Variants in IL20 observed in about 807,000 individuals in gnomAD.
IL20 encodes the protein interleukin-20.
IL20 carries 22 observed loss-of-function variants against 19.2 expected under a neutral mutation model. That is an observed-to-expected ratio of 1.15 (90% CI 0.82 to 1.64). IL20 has a LOEUF of 1.64. Among genes scored for constraint, IL20 ranks in the 40% most tolerant of loss-of-function variants. The probability of loss-of-function intolerance (pLI) is 0.00; values close to 1 mark genes in which losing one functional copy is unlikely to be tolerated. For synonymous variants in IL20, 70 were observed against 76.2 expected (o/e 0.92, Z 0.43); for missense variants, 215 against 212.8 (o/e 1.01, Z -0.06).
intron 2 of IL20, 69 bp downstream of exon 2, chr1:206,866,080 G>A: frequency 7.0e-7 from 1 of 1,432,152 alleles, no homozygotes; most frequent in South Asian, 1.2e-5. Flanking sequence ...TCTCTTTCCT[G>A]GCAGTACTGG....
upstream of IL20, among the ~76,000 whole-genome samples, chr1:206,864,124 C>T (rs1376580048): frequency 6.6e-6 from 1 of 152,132 alleles, no homozygotes; most frequent in African/African-American, 2.4e-5. Context: ...GCCCCCCAAC[C>T]TCAGTGCTGG....
Position 206,865,966 on chromosome 1 carries a change from C to T in IL20, c.114C>T (p.Asn38=). Residue 38 remains asparagine (N), a synonymous_variant, in exon 2 of 6, where the codon AAC becomes AAT. Coordinates refer to ENST00000367098, the MANE Select transcript of IL20 (RefSeq NM_018724.4). This position sits in a 1 kb window ranked among gnomAD's most constrained non-coding sequence, Gnocchi z 4.1. ...TGGGAAGCTGTGTGATCGCCACAAA[C>T]CTTCAGGAAATACGAAATGGATTTT... ...LNLGSCVIAT[N]LQEIRNGFSE... 6.2e-7 allele frequency: 1 copy of T among 1,614,176 alleles called. No homozygotes were observed. Among genetic ancestry groups the T allele is most frequent in the East Asian group, 2.2e-5 (1 of 44,880 alleles).
upstream of IL20, among the ~76,000 whole-genome samples, chr1:206,864,739 GA>G (rs1677499514): frequency 6.6e-6 from 1 of 151,990 alleles, no homozygotes; most frequent in Admixed American, 6.5e-5. Flanking sequence ...TGGCACTGTC[GA>G]ATTTTGTCTT....
At chr1:206,868,416 TA>T in intron 5 of IL20, 70 bp from the exon 6 acceptor site, 1 of 1,074,160 alleles carries the variant, frequency 9.3e-7, no homozygotes, top group Non-Finnish European at 1.3e-6. Context: ...GACCTATCCA[TA>T]AAAGAGATAG....
intron 2 of IL20, 120 bp from the exon 3 acceptor site, chr1:206,866,179 G>A: frequency 3.3e-6 from 4 of 1,208,948 alleles, no homozygotes; most frequent in Non-Finnish European, 4.8e-6. Context: ...TATTTAAAAT[G>A]TTTTGGGAAA....
intron 4 of IL20, 79 bp from the exon 5 acceptor site, chr1:206,867,305 A>T: frequency 8.3e-7 from 1 of 1,207,340 alleles, no homozygotes; most frequent in Non-Finnish European, 1.2e-6. Context: ...GTGAAAGAGT[A>T]GAGTTTCTGC....
At chr1:206,867,277 G>T in intron 4 of IL20, 107 bp from the exon 5 acceptor site, 1 of 878,482 alleles carries the variant, frequency 1.1e-6, no homozygotes, top group Non-Finnish European at 1.8e-6. Context: ...ATAGGAATAA[G>T]CATCCTCAGG....
At position 206,868,796 on chromosome 1, in the gene IL20, G is replaced by C. The variant is rs1677634795; in HGVS notation, c.*232G>C. 1 of 278,658 alleles carries C rather than the reference G, an allele frequency of 3.6e-6. No homozygotes were observed. Among genetic ancestry groups the C allele is most frequent in the Non-Finnish European group, 6.6e-6 (1 of 151,796 alleles). The allele number at this position is 278,658 out of a possible 1,614,324, so 17.3% of individuals were successfully genotyped here. A position where few individuals can be genotyped will look rare whatever the true frequency, so the allele number is the denominator to read the frequency against. ...ATTTTTGTAATATCTTTCTGCTATT[G>C]GATATATTTATTAGTTAATATATTT... is the stretch of plus-strand genomic sequence containing the variant. On this transcript the variant is annotated 3_prime_UTR_variant, in exon 6 of 6. Transcript: ENST00000367098.
At position 206,868,666 on chromosome 1, in the gene IL20, C is replaced by A; in HGVS notation, c.*102C>A. 1.4e-6 allele frequency: 1 copy of A among 723,596 alleles called. No homozygotes were observed. Among genetic ancestry groups the A allele is most frequent in the African/African-American group, 1.8e-5 (1 of 54,940 alleles). 44.8% of individuals were successfully genotyped at this position (723,596 alleles called of 1,614,324 possible). ...CCCAAACCACCATCTCTTTACTGTA[C>A]TAGTCTTGTGCTGGTCACAGTGTAT... On this transcript the variant is annotated 3_prime_UTR_variant, in exon 6 of 6. Transcript: ENST00000367098.
upstream of IL20, among the ~76,000 whole-genome samples, chr1:206,864,857 A>C (rs763802302): frequency 1.3e-5 from 2 of 152,106 alleles, no homozygotes; most frequent in Non-Finnish European, 2.9e-5. Context: ...GCTCCCTTAA[A>C]TTTTGCACCT....
rs557396868 is a variant in IL20 at position 206,867,484 on chromosome 1, G to T, written c.453+26G>T. ...GTATATGCGACTTTGGCATTGATTG[G>T]GATGGGTGTGTTTTAAGAACTGAGA... On this transcript the variant is annotated intron_variant, in intron 5 of 5. Coordinates refer to ENST00000367098, the MANE Select transcript of IL20 (RefSeq NM_018724.4). The T allele has an allele frequency of 2.8e-5, 45 of 1,583,850 alleles. 1 individual carries two copies. In the South Asian group the frequency reaches 4.6e-4, roughly 16 times the overall value.
chr1:206,865,694 G>A lies in IL20; in HGVS notation c.-31+8G>A, dbSNP rs1677524471. 1.4e-6 allele frequency: 2 copies of A among 1,393,094 alleles called. No homozygotes were observed. The highest frequency in any genetic ancestry group is 1.9e-6 in the Non-Finnish European group (2 of 1,074,208). 86.3% of individuals were successfully genotyped at this position (1,393,094 alleles called of 1,614,324 possible). A position where few individuals can be genotyped will look rare whatever the true frequency, so the allele number is the denominator to read the frequency against. ...GCTTGGCAGTTTTTCTTAGTAAGTT[G>A]CGTGGATGGGCCACACTGTCTGAGG... On this transcript the variant is annotated splice_region_variant and intron_variant, in intron 1 of 5. Transcript: ENST00000367098. This position sits in a 1 kb window ranked among gnomAD's most constrained non-coding sequence, Gnocchi z 4.1.
upstream of IL20, among the ~76,000 whole-genome samples, chr1:206,863,641 C>T (rs555468877): frequency 7.2e-5 from 11 of 152,316 alleles, no homozygotes; most frequent in African/African-American, 2.2e-4. Context: ...ACACTGCTCA[C>T]GTTGTTGTGA....
Position 206,867,410 on chromosome 1 carries a change from G to A in IL20, c.405G>A (p.Gly135=). Residue 135 remains glycine, a synonymous_variant, in exon 5 of 6, where the codon GGG becomes GGA. Coordinates refer to ENST00000367098, the MANE Select transcript of IL20 (RefSeq NM_018724.4). The stretch of plus-strand genomic sequence containing the variant: ...ATGCCCACATGACATGCCATTGTGG[G>A]GAGGAAGCAATGAAGAAATACAGCC... ...LCHAHMTCHC[G]EEAMKKYSQI... 1 of 1,613,822 alleles carries A rather than the reference G, an allele frequency of 6.2e-7. No individual in the cohort carries two copies. Among genetic ancestry groups the A allele is most frequent in the Non-Finnish European group, 8.5e-7 (1 of 1,179,788 alleles).
In IL20 at chr1:206,865,796, G is replaced by A. The variant is rs2232356; in HGVS notation, c.-30-27G>A. 648 of 1,590,992 alleles carry A rather than the reference G, an allele frequency of 4.1e-4. 3 individuals are homozygous for A. In the African/African-American group the frequency reaches 7.8e-3, roughly 19 times the overall value. ...ACTTGGAGGAGGGGAAACTCAGTAA[G>A]TCATGCTCTCTTCTTTGAATTCCTA... is the stretch of plus-strand genomic sequence containing the variant. On this transcript the variant is annotated intron_variant, in intron 1 of 5. Transcript: ENST00000367098. This position sits in a 1 kb window ranked among gnomAD's most constrained non-coding sequence, Gnocchi z 4.1.
intron 5 of IL20, 30 bp from the exon 6 acceptor site, chr1:206,868,457 G>A (rs753924590): frequency 2.6e-6 from 4 of 1,545,646 alleles, no homozygotes; most frequent in East Asian, 2.4e-5. Context: ...CTCATGAATT[G>A]CTAACCACAT....
In IL20 at chr1:206,866,650, T is replaced by A; in HGVS notation, c.378+14T>A. ...CTCCGGCTCTGTGTGAGTGTGGGTC[T>A]TGGGTGACAGGATGCATCTCAGCAC... On this transcript the variant is annotated intron_variant, in intron 4 of 5. Transcript: ENST00000367098. 1 of 1,613,352 alleles carries A rather than the reference T, an allele frequency of 6.2e-7. No homozygotes were observed. The highest frequency in any genetic ancestry group is 8.5e-7 in the Non-Finnish European group (1 of 1,179,464).
chr1:206,864,531 A>G (rs1021204477), upstream of IL20, among the ~76,000 whole-genome samples: 1 of 152,108 alleles, frequency 6.6e-6, no homozygotes, highest in Non-Finnish European at 1.5e-5. Flanking sequence ...ACGACTCATG[A>G]CTTTAAGTTT....
chr1:206,868,603 A>G lies in IL20; in HGVS notation c.*39A>G. On this transcript the variant is annotated 3_prime_UTR_variant, in exon 6 of 6. Transcript: ENST00000367098. ...CTGCTGCTAAGAATATTCGAGGTCA[A>G]GAGCTCCAGTCTTCAATACCTGCAG... 1 of 1,502,098 alleles carries G rather than the reference A, an allele frequency of 6.7e-7. No homozygotes were observed. The highest frequency in any genetic ancestry group is 9.1e-7 in the Non-Finnish European group (1 of 1,104,610). The allele number at this position is 1,502,098 out of a possible 1,614,324, so 93.0% of individuals were successfully genotyped here. A position where few individuals can be genotyped will look rare whatever the true frequency, so the allele number is the denominator to read the frequency against.
Sources: allele counts gnomAD v4.1 joint callset (sites outside exome capture counted in the v4.1 genomes callset), GRCh38; gene constraint gnomAD v4.1.1; non-coding constraint Gnocchi (gnomAD v3.1); transcripts MANE v1.5; gene names NCBI Gene and HGNC (gene_info 2026-07-23, HGNC 2026-07-21).